The following PRKCH variants were observed in gnomAD, a reference collection of about 807,000 sequenced individuals.
PRKCH encodes protein kinase C eta.
A neutral mutation model predicts 82.5 loss-of-function variants in PRKCH; 28 were observed. The ratio of observed to expected loss-of-function variants is 0.34; its 90% CI spans 0.25 to 0.47. PRKCH has a LOEUF of 0.47. PRKCH is among the 20% of genes least tolerant of loss of function. The pLI is 1.00. For synonymous variants in PRKCH, 322 were observed against 327.4 expected (o/e 0.98, Z 0.18); for missense variants, 705 against 881.8 (o/e 0.80, Z 2.54).
intron 1 of PRKCH, among the ~76,000 whole-genome samples, chr14:61,215,201 T>C (rs929895504): frequency 6.6e-6 from 1 of 152,144 alleles, no homozygotes; most frequent in Non-Finnish European, 1.5e-5. Context: ...GTGAAGGTCT[T>C]TTTTTTAGAT....
intron 1 of PRKCH, among the ~76,000 whole-genome samples, chr14:61,274,881 A>G (rs1269670516): frequency 3.9e-5 from 6 of 152,222 alleles, no homozygotes; most frequent in Admixed American, 3.3e-4. Flanking sequence ...GTTTTTAAAG[A>G]TACATGAAAG....
intron 1 of PRKCH, among the ~76,000 whole-genome samples, chr14:61,313,471 A>G (rs1241344533): frequency 6.6e-6 from 1 of 152,196 alleles, no homozygotes; most frequent in Non-Finnish European, 1.5e-5. Flanking sequence ...AAACCATTTT[A>G]TTTTGAGACA....
intron 1 of PRKCH, among the ~76,000 whole-genome samples, chr14:61,295,217 AAC>A (rs757947627): frequency 7.3e-4 from 111 of 152,342 alleles, no homozygotes; most frequent in Admixed American, 1.6e-3. Context: ...TTGTTTTATA[AAC>A]AGAGAACATG....
chr14:61,452,935 T>C, intron 6 of PRKCH: 1 of 410,364 alleles, frequency 2.4e-6, no homozygotes, highest in Middle Eastern at 6.7e-4. Context: ...AAGGCAGCAA[T>C]GCCTGTTACA....
chr14:61,480,131 A>C (rs1286803814), intron 9 of PRKCH, among the ~76,000 whole-genome samples: 2 of 152,264 alleles, frequency 1.3e-5, no homozygotes, highest in African/African-American at 4.8e-5. Flanking sequence ...GTGCAGGCTC[A>C]GTTTCTAGGA....
At chr14:61,346,992 CG>C (rs2046001805) in intron 1 of PRKCH, among the ~76,000 whole-genome samples, 1 of 152,062 alleles carries the variant, frequency 6.6e-6, no homozygotes, top group Non-Finnish European at 1.5e-5. Context: ...GGAATTTTAC[CG>C]TATGTTTACT....
At chr14:61,189,371 G>A (rs1443495718) in intron 1 of PRKCH, among the ~76,000 whole-genome samples, 4 of 138,842 alleles carry the variant, frequency 2.9e-5, no homozygotes, top group Non-Finnish European at 6.2e-5. Context: ...CAAAGGCAAA[G>A]GGGGGATGGA....
At chr14:61,296,266 C>G (rs1356596387) in intron 1 of PRKCH, among the ~76,000 whole-genome samples, 1 of 152,062 alleles carries the variant, frequency 6.6e-6, no homozygotes, top group Non-Finnish European at 1.5e-5. Flanking sequence ...ATCAAAGAGC[C>G]TTAATCTTGA....
At chr14:61,192,285 A>G (rs969299040) in intron 1 of PRKCH, among the ~76,000 whole-genome samples, 1 of 152,228 alleles carries the variant, frequency 6.6e-6, no homozygotes, top group Non-Finnish European at 1.5e-5. Context: ...GTGAAAAGCC[A>G]GGTCAGAAAG....
chr14:61,307,878 G>A (rs142552931), intron 1 of PRKCH, among the ~76,000 whole-genome samples: 58 of 152,232 alleles, frequency 3.8e-4, no homozygotes, highest in African/African-American at 1.3e-3. Flanking sequence ...GCTCTGTCAC[G>A]CAGGCTGGAA....
intron 1 of PRKCH, among the ~76,000 whole-genome samples, chr14:61,351,555 GC>G (rs1463315976): frequency 1.9e-4 from 29 of 152,158 alleles, no homozygotes; most frequent in Non-Finnish European, 3.4e-4. Flanking sequence ...ACGAAAGCAC[GC>G]CTGCTTGTTA....
intron 1 of PRKCH, among the ~76,000 whole-genome samples, chr14:61,371,831 A>C (rs1364936286): frequency 1.3e-5 from 2 of 152,020 alleles, no homozygotes; most frequent in Non-Finnish European, 2.9e-5. Context: ...TACCTCCCTG[A>C]GGGAGGTAGT....
At chr14:61,298,385 G>A (rs556472027) in intron 1 of PRKCH, 1 of 152,318 alleles carries the variant, frequency 6.6e-6, no homozygotes, top group Admixed American at 6.5e-5. Context: ...GCCGTCATCA[G>A]TGACATGCCC....
intron 12 of PRKCH, among the ~76,000 whole-genome samples, 181 bp from the exon 13 acceptor site, chr14:61,547,562 A>G (rs925722939): frequency 6.6e-6 from 1 of 152,222 alleles, no homozygotes; most frequent in East Asian, 1.9e-4. Context: ...CACACAGGCA[A>G]TCGCGCCTTT....
chr14:61,311,296 C>A (rs536084462), intron 1 of PRKCH, among the ~76,000 whole-genome samples: 74 of 152,330 alleles, frequency 4.9e-4, no homozygotes, highest in African/African-American at 1.5e-3. Context: ...TGCTCTGCTT[C>A]CCTTTTAAAC....
chr14:61,531,758 T>C (rs1319581613), intron 12 of PRKCH, among the ~76,000 whole-genome samples: 2 of 152,232 alleles, frequency 1.3e-5, no homozygotes, highest in Non-Finnish European at 2.9e-5. Flanking sequence ...AAAAGCACAG[T>C]ACTTTGGGAT....
intron 1 of PRKCH, among the ~76,000 whole-genome samples, chr14:61,223,579 C>A (rs546652131): frequency 5.3e-5 from 8 of 152,366 alleles, no homozygotes; most frequent in African/African-American, 1.9e-4. Context: ...CCTGATCTTT[C>A]TTTTCCCACA....
intron 10 of PRKCH, among the ~76,000 whole-genome samples, chr14:61,507,547 G>C (rs1333937705): frequency 6.6e-6 from 1 of 152,074 alleles, no homozygotes; most frequent in Admixed American, 6.5e-5. Context: ...TCCTTCTGCA[G>C]ACAAATAGAT....
intron 1 of PRKCH, among the ~76,000 whole-genome samples, chr14:61,283,085 G>C (rs2045286382): frequency 6.6e-6 from 1 of 150,718 alleles, no homozygotes; most frequent in Admixed American, 6.6e-5. Context: ...GTCCAGGCTT[G>C]TCTCAAACTC....
Sources: gnomAD v4.1 joint callset for allele counts (sites outside exome capture counted in the v4.1 genomes callset) on GRCh38, gnomAD v4.1.1 for gene constraint, MANE v1.5 for transcripts, NCBI Gene and HGNC (gene_info 2026-07-23, HGNC 2026-07-21) for gene names.